GRIN2A: variants seen among roughly 807,000 people sequenced by gnomAD.
GRIN2A encodes the protein glutamate ionotropic receptor NMDA type subunit 2A.
GRIN2A carries 22 observed loss-of-function variants against 113.4 expected under a neutral mutation model. That is an observed-to-expected ratio of 0.19 (90% CI 0.14 to 0.28). The LOEUF is 0.28. Among genes scored for constraint, GRIN2A ranks in the 10% least tolerant of loss-of-function variants. The pLI is 1.00. For missense variants in GRIN2A, 1,502 were observed against 1,887.0 expected, an observed-to-expected ratio of 0.80 and a Z score of 3.78; for synonymous variants, 827 against 738.4, an observed-to-expected ratio of 1.12 and a Z score of -1.94.
At chr16:9,790,015 G>A (rs887882939) in intron 11 of GRIN2A, among the ~76,000 whole-genome samples, 1 of 152,216 alleles carries the variant, frequency 6.6e-6, no homozygotes, top group Admixed American at 6.5e-5. Flanking sequence ...CCATTAGCAT[G>A]CAGTCTTGCC....
chr16:9,884,365 A>G (rs1395771218), intron 4 of GRIN2A, among the ~76,000 whole-genome samples: 1 of 152,144 alleles, frequency 6.6e-6, no homozygotes, highest in Non-Finnish European at 1.5e-5. Context: ...CCTGGCCAAC[A>G]TGGTGAAACT....
intron 2 of GRIN2A, among the ~76,000 whole-genome samples, chr16:9,984,925 CT>C (rs2045953317): frequency 6.6e-6 from 1 of 152,124 alleles, no homozygotes; most frequent in South Asian, 2.1e-4. Flanking sequence ...CCAGATTTCC[CT>C]AATAAACGTA....
chr16:9,942,261 G>T (rs2044899191), intron 2 of GRIN2A, among the ~76,000 whole-genome samples: 1 of 152,228 alleles, frequency 6.6e-6, no homozygotes, highest in South Asian at 2.1e-4. Flanking sequence ...GGCCTACCAT[G>T]TTAAGTTCAG....
At chr16:10,143,170 G>C (rs1451092665) in intron 2 of GRIN2A, among the ~76,000 whole-genome samples, 1 of 152,124 alleles carries the variant, frequency 6.6e-6, no homozygotes, top group Non-Finnish European at 1.5e-5. Flanking sequence ...GTTTGCTCCA[G>C]GCACTGACTA....
At chr16:10,120,318 C>CACAGA (rs2048809140) in intron 2 of GRIN2A, among the ~76,000 whole-genome samples, 1 of 152,200 alleles carries the variant, frequency 6.6e-6, no homozygotes, top group Non-Finnish European at 1.5e-5. Context: ...TCTTACAATG[C>CACAGA]ACAGAACAGC....
chr16:10,073,420 G>C (rs765657988), intron 2 of GRIN2A, among the ~76,000 whole-genome samples: 1 of 152,146 alleles, frequency 6.6e-6, no homozygotes, highest in Non-Finnish European at 1.5e-5. Context: ...CTGGGGAAGG[G>C]ATTCTGAAGC....
chr16:9,847,922 T>C (rs2042804177), intron 5 of GRIN2A, among the ~76,000 whole-genome samples: 2 of 145,612 alleles, frequency 1.4e-5, no homozygotes, highest in Non-Finnish European at 3.0e-5. Context: ...TTTTATATGT[T>C]TTATATATAT....
chr16:9,769,075 G>A lies in GRIN2A; in HGVS notation c.2371C>T (p.Leu791=). Residue 791 remains leucine (L), a synonymous_variant, in exon 12 of 13, where the codon CTG becomes TTG. Transcript: ENST00000330684. ...QFVGDGEMEE[L]ETLWLTGICH... The stretch of plus-strand genomic sequence containing the variant: ...ATCCCAGTGAGCCACAGGGTCTCCA[G>A]CTCCTCCATCTCACCTGGACAGATC... The A allele has an allele frequency of 6.2e-7, 1 of 1,613,586 alleles. No homozygotes were observed. Among genetic ancestry groups the A allele is most frequent in the Non-Finnish European group, 8.5e-7 (1 of 1,179,544 alleles).
chr16:9,836,548 G>T (rs1239696450), intron 7 of GRIN2A, among the ~76,000 whole-genome samples: 1 of 152,178 alleles, frequency 6.6e-6, no homozygotes, highest in African/African-American at 2.4e-5. Flanking sequence ...AACTGATGAA[G>T]CAACTGTTCC....
intron 3 of GRIN2A, among the ~76,000 whole-genome samples, chr16:9,904,755 C>A (rs1256371303): frequency 6.6e-6 from 1 of 152,200 alleles, no homozygotes; most frequent in Non-Finnish European, 1.5e-5. Flanking sequence ...CCTCCCAAAG[C>A]CCCACCTCCA....
chr16:10,059,944 A>C (rs539378149), intron 2 of GRIN2A, among the ~76,000 whole-genome samples: 2 of 151,716 alleles, frequency 1.3e-5, no homozygotes, highest in African/African-American at 4.8e-5. Context: ...GAAAAGAGGA[A>C]GCCATTAATA....
chr16:9,874,599 C>T (rs978311167), intron 4 of GRIN2A, among the ~76,000 whole-genome samples: 1 of 152,168 alleles, frequency 6.6e-6, no homozygotes, highest in Non-Finnish European at 1.5e-5. Flanking sequence ...GAACGCCACC[C>T]ATCTCTACCA....
intron 2 of GRIN2A, among the ~76,000 whole-genome samples, chr16:10,039,808 G>GGGAGAGAGAGAGAGAGAGAGAGAGA (rs1555469298): frequency 2.5e-4 from 16 of 63,824 alleles, no homozygotes; most frequent in African/African-American, 5.5e-4. Context: ...GGGAGGGGGG[G>GGGAGAGAGAGAGAGAGAGAGAGAGA]GAGAAAGAGA....
intron 9 of GRIN2A, among the ~76,000 whole-genome samples, chr16:9,824,492 G>A (rs571291984): frequency 4.6e-5 from 7 of 152,306 alleles, no homozygotes; most frequent in South Asian, 2.1e-4. Context: ...CAGAGGAGCT[G>A]CATAGGTCTT....
chr16:10,052,122 G>A (rs1162289465), intron 2 of GRIN2A, among the ~76,000 whole-genome samples: 1 of 152,176 alleles, frequency 6.6e-6, no homozygotes, highest in African/African-American at 2.4e-5. Flanking sequence ...CCAAAACATT[G>A]TCATCAGGAA....
chr16:10,040,259 CCA>C, intron 2 of GRIN2A, among the ~76,000 whole-genome samples: 1 of 143,174 alleles, frequency 7.0e-6, no homozygotes, highest in Admixed American at 7.1e-5. Context: ...CACATCCACA[CCA>C]CACACACAGA....
At chr16:9,838,104 A>C (rs1171014236) in intron 7 of GRIN2A, among the ~76,000 whole-genome samples, 4 of 152,232 alleles carry the variant, frequency 2.6e-5, no homozygotes, top group African/African-American at 9.6e-5. Context: ...TGGAAGAATA[A>C]GACAATGGGC....
chr16:10,101,957 G>A (rs560961658), intron 2 of GRIN2A, among the ~76,000 whole-genome samples: 8 of 152,346 alleles, frequency 5.3e-5, no homozygotes, highest in Non-Finnish European at 1.0e-4. Context: ...AGGAAAAGCT[G>A]AAAACATGGT....
intron 3 of GRIN2A, among the ~76,000 whole-genome samples, chr16:9,926,162 G>A (rs780935699): frequency 1.2e-4 from 19 of 152,132 alleles, no homozygotes; most frequent in Non-Finnish European, 2.2e-4. Flanking sequence ...TTGCCTTTGG[G>A]TAAGGCACTC....
Sources: allele counts gnomAD v4.1 joint callset (sites outside exome capture counted in the v4.1 genomes callset), GRCh38; gene constraint gnomAD v4.1.1; transcripts MANE v1.5; gene names NCBI Gene and HGNC (gene_info 2026-07-23, HGNC 2026-07-21).